PHLDB2: variants seen among roughly 807,000 people sequenced by gnomAD.
PHLDB2 encodes pleckstrin homology-like domain family B member 2.
A neutral mutation model predicts 123.6 loss-of-function variants in PHLDB2; 71 were observed. The ratio of observed to expected loss-of-function variants is 0.57; its 90% CI spans 0.47 to 0.70. The LOEUF is 0.70. Among genes scored for constraint, PHLDB2 ranks in the 30% least tolerant of loss-of-function variants. The pLI is 0.00. For missense variants in PHLDB2, 1,446 were observed against 1,519.5 expected (o/e 0.95, Z 0.80); for synonymous variants, 547 against 541.6 (o/e 1.01, Z -0.14).
intron 1 of PHLDB2, among the ~76,000 whole-genome samples, chr3:111,873,934 C>T (rs78828804): frequency 0.014 from 2,099 of 152,240 alleles, 54 homozygotes; most frequent in African/African-American, 0.049. Context: ...GCGAGAAATA[C>T]ACGATTATTA....
intron 1 of PHLDB2, chr3:111,845,719 T>C (rs893683127): frequency 1.8e-5 from 24 of 1,360,528 alleles, no homozygotes; most frequent in Admixed American, 2.1e-5. Flanking sequence ...TCCCCGGATG[T>C]TAAACATCTG....
chr3:111,878,439 A>G (rs1386054711), intron 1 of PHLDB2, among the ~76,000 whole-genome samples: 1 of 152,222 alleles, frequency 6.6e-6, no homozygotes, highest in Non-Finnish European at 1.5e-5. Context: ...TTATCAGCTT[A>G]AGGAGATTTT....
At chr3:111,823,859 AG>A (rs2062523079) in intron 1 of PHLDB2, among the ~76,000 whole-genome samples, 1 of 152,148 alleles carries the variant, frequency 6.6e-6, no homozygotes, top group African/African-American at 2.4e-5. Context: ...ATAGCACTGC[AG>A]TATGTGTGTA....
At chr3:111,894,025 G>A (rs2066660580) in intron 2 of PHLDB2, among the ~76,000 whole-genome samples, 1 of 144,294 alleles carries the variant, frequency 6.9e-6, no homozygotes, top group South Asian at 2.3e-4. Flanking sequence ...TCGTCATCTA[G>A]CATTAGGTAT....
At chr3:111,924,954 G>T (rs761340936) in intron 5 of PHLDB2, among the ~76,000 whole-genome samples, 1 of 151,978 alleles carries the variant, frequency 6.6e-6, no homozygotes, top group East Asian at 1.9e-4. Flanking sequence ...TCAGCCTCCC[G>T]AGTAGTTGGG....
At chr3:111,772,569 C>T (rs2060196233) in intron 1 of PHLDB2, among the ~76,000 whole-genome samples, 1 of 152,162 alleles carries the variant, frequency 6.6e-6, no homozygotes, top group Non-Finnish European at 1.5e-5. Flanking sequence ...ATCAGCCCTG[C>T]CTGGCTAGAT....
chr3:111,835,238 C>A (rs535367207), intron 1 of PHLDB2, among the ~76,000 whole-genome samples: 3 of 152,096 alleles, frequency 2.0e-5, no homozygotes, highest in Non-Finnish European at 4.4e-5. Flanking sequence ...TGCTTCCCAT[C>A]ACACAGCTGT....
chr3:111,822,658 T>C (rs1355831490), intron 1 of PHLDB2, among the ~76,000 whole-genome samples: 3 of 152,132 alleles, frequency 2.0e-5, no homozygotes, highest in Non-Finnish European at 4.4e-5. Context: ...TGGTAAACAT[T>C]GGCAAGTTGC....
intron 12 of PHLDB2, among the ~76,000 whole-genome samples, chr3:111,955,242 A>C (rs1372084036): frequency 1.3e-5 from 2 of 151,570 alleles, no homozygotes; most frequent in African/African-American, 4.8e-5. Flanking sequence ...TAGGTTTATA[A>C]TGTGTAAGAG....
At chr3:111,837,851 T>C (rs2108530486) in intron 1 of PHLDB2, among the ~76,000 whole-genome samples, 1 of 152,270 alleles carries the variant, frequency 6.6e-6, no homozygotes, top group East Asian at 1.9e-4. Context: ...GAGACCAGCC[T>C]GGTCAACATG....
At position 111,884,957 on chromosome 3, in the gene PHLDB2, A is replaced by T. The variant is rs2066086931; in HGVS notation, c.880A>T (p.Ser294Cys). The T allele has an allele frequency of 6.2e-7, 1 of 1,614,028 alleles. No homozygotes were observed. The highest frequency in any genetic ancestry group is 1.1e-5 in the South Asian group (1 of 91,082). ...TKLGEKDLPH[S>C]VIDNDNYLNF... ...ACTTGGGGAAAAGGATCTACCTCATAGCGTAATAGACAATGACAATTACCT... is the reference window on the plus strand; with the variant it reads ...ACTTGGGGAAAAGGATCTACCTCATTGCGTAATAGACAATGACAATTACCT... Residue 294 changes from serine (S) to cysteine (C), a missense_variant, in exon 2 of 18, where the codon AGC (serine) becomes TGC (cysteine). Ser to Cys is a moderately radical substitution (Grantham distance 112, BLOSUM62 -1). This residue lies in a region of PHLDB2 where 832 missense variants were observed against 831.9 expected (regional missense o/e 1.00). Transcript: ENST00000431670.
chr3:111,932,871 T>G (rs1339334031), intron 6 of PHLDB2, among the ~76,000 whole-genome samples: 2 of 152,224 alleles, frequency 1.3e-5, no homozygotes, highest in Non-Finnish European at 2.9e-5. Context: ...TTCTGCTGGT[T>G]AGTGACATTG....
At chr3:111,941,657 A>C (rs1238077684) in intron 8 of PHLDB2, among the ~76,000 whole-genome samples, 1 of 152,074 alleles carries the variant, frequency 6.6e-6, no homozygotes, top group Non-Finnish European at 1.5e-5. Flanking sequence ...AAATACAAAA[A>C]ATTAGCTGGG....
intron 5 of PHLDB2, among the ~76,000 whole-genome samples, chr3:111,924,985 C>T (rs1270557577): frequency 2.6e-5 from 4 of 152,050 alleles, no homozygotes; most frequent in Non-Finnish European, 5.9e-5. Context: ...CCCACCATGA[C>T]ACTCAGCTAA....
intron 3 of PHLDB2, chr3:111,916,647 A>G (rs966172275): frequency 3.9e-5 from 6 of 152,220 alleles, no homozygotes; most frequent in Non-Finnish European, 7.3e-5. Flanking sequence ...CTTTGGAAAT[A>G]TGCTAATTTT....
At chr3:111,821,697 T>C (rs977622052) in intron 1 of PHLDB2, among the ~76,000 whole-genome samples, 1 of 152,208 alleles carries the variant, frequency 6.6e-6, no homozygotes, top group Non-Finnish European at 1.5e-5. Context: ...AATATCTGGG[T>C]ACCATGATGT....
chr3:111,918,998 A>G (rs2068344213), intron 3 of PHLDB2, 74 bp from the exon 4 acceptor site: 1 of 1,499,610 alleles, frequency 6.7e-7, no homozygotes, highest in Admixed American at 1.7e-5. Flanking sequence ...AGACCTGTGG[A>G]TGGTTTACAA....
rs575206064 is a variant in PHLDB2, at chr3:111,748,259, A to G, written c.-49+15556A>G. On this transcript the variant is annotated intron_variant, in intron 1 of 17. Coordinates refer to the PHLDB2 transcript ENST00000393923. ...CCAGCCACACCTGACTCTACCCTCC[A>G]TCAGAGGCACCAACCTTAATCTCTA... Among the ~76,000 whole-genome samples, 19 of 152,298 alleles carry G rather than the reference A, an allele frequency of 1.2e-4. No individual in the cohort carries two copies. The East Asian group carries it at 3.7e-3, about 29-fold the overall frequency.
At chr3:111,908,152 A>C (rs1326343133) in intron 2 of PHLDB2, among the ~76,000 whole-genome samples, 1 of 152,168 alleles carries the variant, frequency 6.6e-6, no homozygotes, top group Non-Finnish European at 1.5e-5. Flanking sequence ...CTTATACCCT[A>C]AGATTATCAC....
Sources: gnomAD v4.1 joint callset for allele counts (sites outside exome capture counted in the v4.1 genomes callset) on GRCh38, gnomAD v4.1.1 for gene constraint, gnomAD v4.1.1 regional missense constraint, MANE v1.5 for transcripts, NCBI Gene and HGNC (gene_info 2026-07-23, HGNC 2026-07-21) for gene names.